SLC12A7: variants seen among roughly 807,000 people sequenced by gnomAD.
SLC12A7 encodes solute carrier family 12 member 7.
Under a neutral mutation model 120.6 loss-of-function variants are expected in SLC12A7, and 100 were observed. The observed-to-expected ratio is 0.83, with a 90% confidence interval of 0.71 to 0.98. SLC12A7 has a LOEUF of 0.98. Among genes scored for constraint, SLC12A7 ranks in the 50% least tolerant of loss-of-function variants. The probability of loss-of-function intolerance (pLI) is 0.00; values close to 1 mark genes in which losing one functional copy is unlikely to be tolerated. For synonymous variants in SLC12A7, 760 were observed against 678.0 expected (o/e 1.12, Z -1.88); for missense variants, 1,373 against 1,548.1 (o/e 0.89, Z 1.90).
At chr5:1,114,450 C>A (rs750299313), upstream of SLC12A7, among the ~76,000 whole-genome samples, 53 of 152,156 alleles carry the variant, frequency 3.5e-4, no homozygotes, top group Non-Finnish European at 7.1e-4. Context: ...CCATCAGTAG[C>A]CCATCCCTAG....
the SLC12A7 span, among the ~76,000 whole-genome samples, chr5:1,153,370 T>C: frequency 1.3e-5 from 2 of 152,208 alleles, no homozygotes; most frequent in Non-Finnish European, 2.9e-5. Context: ...GTGCAAACAT[T>C]CACAGCCTGA....
intron 6 of SLC12A7, among the ~76,000 whole-genome samples, chr5:1,085,728 C>T (rs538448745): frequency 6.6e-6 from 1 of 152,204 alleles, no homozygotes; most frequent in Admixed American, 6.5e-5. Flanking sequence ...CCGCGGGGGT[C>T]AGCGCACAGG....
At chr5:1,088,272 G>T in intron 5 of SLC12A7, 34 bp downstream of exon 5, 1 of 1,565,264 alleles carries the variant, frequency 6.4e-7, no homozygotes. Context: ...TCCTCTAACA[G>T]GACTCAGGGC....
At chr5:1,075,752 T>C (rs896291821) in intron 14 of SLC12A7, 2 of 527,820 alleles carry the variant, frequency 3.8e-6, no homozygotes, top group Non-Finnish European at 6.7e-6. Context: ...CGGCTGTGCA[T>C]GCAACAAGGG....
intron 3 of SLC12A7, 22 bp from the exon 4 acceptor site, chr5:1,089,150 C>T (rs1740221313): frequency 6.2e-7 from 1 of 1,609,666 alleles, no homozygotes; most frequent in Non-Finnish European, 8.5e-7. Flanking sequence ...CATAGCGTGT[C>T]CCAGGGGCTC....
rs552801414 is a variant in SLC12A7 at position 1,056,256 on chromosome 5, C to T, written c.3026+1215G>A. 7.2e-5 allele frequency among the ~76,000 whole-genome samples: 11 copies of T among 152,306 alleles called. No individual in the cohort carries two copies. The South Asian group carries it at 1.9e-3, about 26-fold the overall frequency. Reference sequence around the variant, plus strand: ...AGAAGGACGTGGATGGACTCACTGACGGGCCCTGCGAGGCGCACGCCTCCC... The same window carrying T: ...AGAAGGACGTGGATGGACTCACTGATGGGCCCTGCGAGGCGCACGCCTCCC... On this transcript the variant is annotated intron_variant, in intron 22 of 23. Transcript: ENST00000264930.
the SLC12A7 span, among the ~76,000 whole-genome samples, chr5:1,149,700 A>G: frequency 1.3e-5 from 2 of 152,318 alleles, no homozygotes; most frequent in African/African-American, 4.8e-5. Context: ...GCATCTCTCC[A>G]TGTGCTTATT....
At chr5:1,094,926 G>C (rs1740939961) in intron 1 of SLC12A7, among the ~76,000 whole-genome samples, 1 of 151,102 alleles carries the variant, frequency 6.6e-6, no homozygotes, top group Non-Finnish European at 1.5e-5. Flanking sequence ...ATGAGCAAGG[G>C]AATTGGTGGG....
intron 8 of SLC12A7, among the ~76,000 whole-genome samples, chr5:1,083,399 A>G (rs915357069): frequency 1.3e-5 from 2 of 152,222 alleles, no homozygotes; most frequent in African/African-American, 4.8e-5. Flanking sequence ...TCATCAGAGA[A>G]GGATACACAG....
intron 3 of SLC12A7, among the ~76,000 whole-genome samples, chr5:1,091,631 G>A (rs1021324642): frequency 4.6e-5 from 7 of 152,220 alleles, no homozygotes; most frequent in Non-Finnish European, 7.3e-5. Context: ...GAAAGGTGCT[G>A]AGTGCTGAGC....
intron 3 of SLC12A7, 150 bp downstream of exon 3, chr5:1,093,383 C>G: frequency 1.3e-6 from 1 of 787,230 alleles, no homozygotes; most frequent in Non-Finnish European, 2.0e-6. Context: ...CAGGCACCAT[C>G]GAGCCCTCCC....
At chr5:1,062,494 C>T (rs912858412) in intron 20 of SLC12A7, among the ~76,000 whole-genome samples, 6 of 152,172 alleles carry the variant, frequency 3.9e-5, no homozygotes, top group Admixed American at 6.5e-5. Flanking sequence ...CTGCAGCCCT[C>T]GGCCTAGGAA....
At chr5:1,112,873 C>T (rs186318184), upstream of SLC12A7, among the ~76,000 whole-genome samples, 1 of 25,972 alleles carries the variant, frequency 3.9e-5, no homozygotes, top group Non-Finnish European at 1.9e-4. Flanking sequence ...AGAGGGAGTC[C>T]CCCCCCCCAC....
the SLC12A7 span, among the ~76,000 whole-genome samples, chr5:1,133,136 G>A: frequency 6.6e-6 from 1 of 152,254 alleles, no homozygotes; most frequent in East Asian, 1.9e-4. Flanking sequence ...GGCTGGTCTC[G>A]AACTCCCAAC....
chr5:1,076,819 G>T lies in SLC12A7; in HGVS notation c.1630-7C>A. On this transcript the variant is annotated splice_region_variant and splice_polypyrimidine_tract_variant and intron_variant, in intron 12 of 23. Transcript: ENST00000264930. ...CCTTCCCGTGGCCAAACACCTGCAG[G>T]GAGAAGGGCAGGAAGATGGGGCAGA... 6.3e-7 allele frequency: 1 copy of T among 1,594,922 alleles called. No individual in the cohort carries two copies.
the SLC12A7 span, among the ~76,000 whole-genome samples, chr5:1,153,350 C>G: frequency 1.3e-5 from 2 of 152,236 alleles, no homozygotes; most frequent in African/African-American, 4.8e-5. Flanking sequence ...CCCTCCATGC[C>G]CACATGAATG....
At chr5:1,082,574 C>T (rs1258223114) in intron 8 of SLC12A7, among the ~76,000 whole-genome samples, 56 of 126,022 alleles carry the variant, frequency 4.4e-4, no homozygotes, top group African/African-American at 1.7e-3. Context: ...CTGGAAAGTC[C>T]GGGCTTCCTC....
In SLC12A7 at chr5:1,075,455, G is replaced by A. The variant is rs372681736; in HGVS notation, c.1883C>T (p.Ala628Val). 23 of 1,612,368 alleles carry A rather than the reference G, an allele frequency of 1.4e-5. No homozygotes were observed. The highest frequency in any genetic ancestry group is 2.7e-5 in the African/African-American group (2 of 74,930). The change falls in exon 15 of 24, where the codon GCG becomes GTG. Residue 628 changes from alanine (A) to valine (V), a missense_variant. Ala to Val is a moderately conservative substitution (Grantham distance 64, BLOSUM62 0). Transcript: ENST00000264930. ...LSFLGMSLCL[A>V]LMFICSWYYA... ...GTACCAGGAGCAGATGAACATCAGC[G>A]CCAGGCACAGGCTCATACCCAGAAA... is the stretch of plus-strand genomic sequence containing the variant.
In SLC12A7 at chr5:1,081,570, G is replaced by C; in HGVS notation, c.1297+7C>G. On this transcript the variant is annotated splice_region_variant and intron_variant, in intron 9 of 23. Transcript: ENST00000264930. ...AGAGAAGGGGAAGCCTGGAGCAGCGGGCTCACCGGTCACGGAAGGGAAGTA... is the reference window on the plus strand; with the variant it reads ...AGAGAAGGGGAAGCCTGGAGCAGCGCGCTCACCGGTCACGGAAGGGAAGTA... 6.3e-7 allele frequency: 1 copy of C among 1,596,446 alleles called. No individual in the cohort carries two copies. The highest frequency in any genetic ancestry group is 8.6e-7 in the Non-Finnish European group (1 of 1,166,352).
Sources: gnomAD v4.1 joint callset for allele counts (sites outside exome capture counted in the v4.1 genomes callset) on GRCh38, gnomAD v4.1.1 for gene constraint, MANE v1.5 for transcripts, NCBI Gene and HGNC (gene_info 2026-07-23, HGNC 2026-07-21) for gene names.